The following NPC1 variants were observed in gnomAD, a reference collection of about 807,000 sequenced individuals.
The protein encoded by NPC1 is Niemann-Pick C1 protein.
A neutral mutation model predicts 140.4 loss-of-function variants in NPC1; 85 were observed. The observed-to-expected ratio is 0.61, with a 90% CI of 0.51 to 0.72. The LOEUF is 0.72. NPC1 is among the 30% of genes least tolerant of loss of function. The pLI, the probability that NPC1 is intolerant of heterozygous loss-of-function variation, is 0.00. For synonymous variants in NPC1, 656 were observed against 624.8 expected (o/e 1.05, Z -0.74); for missense variants, 1,504 against 1,623.8 (o/e 0.93, Z 1.27).
At chr18:23,573,336 A>C in intron 2 of NPC1, 116 bp downstream of exon 2, 1 of 1,419,538 alleles carries the variant, frequency 7.0e-7, no homozygotes, top group South Asian at 1.2e-5. Flanking sequence ...CCGGGATAAG[A>C]CTTAAGCCTG....
In NPC1 at chr18:23,573,467, T is replaced by C; in HGVS notation, c.165A>G (p.Gly55=). The C allele has an allele frequency of 6.2e-7, 1 of 1,614,218 alleles. No homozygotes were observed. Among genetic ancestry groups the C allele is most frequent in the Non-Finnish European group, 8.5e-7 (1 of 1,180,028 alleles). The part of the protein sequence containing the change: ...SGPPKPLPKD[G]YDLVQELCPG... ...ATGAACTTACCTGCACTAAGTCATATCCATCCTTTGGCAATGGTTTTGGTG... is the reference window on the plus strand; with the variant it reads ...ATGAACTTACCTGCACTAAGTCATACCCATCCTTTGGCAATGGTTTTGGTG... The change falls in exon 2 of 25, where the codon GGA becomes GGG. Residue 55 remains glycine (G), a synonymous_variant. Transcript: ENST00000269228.
At chr18:23,569,183 A>G (rs1443822757) in intron 3 of NPC1, among the ~76,000 whole-genome samples, 185 bp from the exon 4 acceptor site, 1 of 152,376 alleles carries the variant, frequency 6.6e-6, no homozygotes, top group African/African-American at 2.4e-5. Flanking sequence ...CCTTTAAAAA[A>G]TGCCCTAATT....
At chr18:23,526,403 A>T (rs2058298789), downstream of NPC1, among the ~76,000 whole-genome samples, 1 of 152,190 alleles carries the variant, frequency 6.6e-6, no homozygotes, top group African/African-American at 2.4e-5. Context: ...CTTGGAAAAG[A>T]GTCAGCCAGG....
rs369056010 is a variant in NPC1, at chr18:23,557,147, T to C, written c.925A>G (p.Ile309Val). 1.9e-6 allele frequency: 3 copies of C among 1,613,852 alleles called. No individual in the cohort carries two copies. Among genetic ancestry groups the C allele is most frequent in the Non-Finnish European group, 1.7e-6 (2 of 1,179,866 alleles). The change falls in exon 7 of 25, where the codon ATA becomes GTA. Residue 309 changes from isoleucine to valine, a missense_variant. Transcript: ENST00000269228. ...VSEYTPIDSN[I>V]AFSVNASDKG... ...TCACTTGCATTAACAGAAAAAGCTA[T>C]ATTGCTATCGATGGGAGTGTACTCG...
intron 4 of NPC1, among the ~76,000 whole-genome samples, chr18:23,568,614 T>C (rs973961824): frequency 6.6e-6 from 1 of 152,130 alleles, no homozygotes; most frequent in Non-Finnish European, 1.5e-5. Flanking sequence ...AAGTTAAAGT[T>C]AGGGGGAGTT....
chr18:23,577,841 G>T (rs966229397), intron 1 of NPC1, among the ~76,000 whole-genome samples: 4 of 152,212 alleles, frequency 2.6e-5, no homozygotes, highest in African/African-American at 7.2e-5. Flanking sequence ...CTGCTGGGGG[G>T]ACCCAGTACA....
intron 2 of NPC1, 93 bp downstream of exon 2, chr18:23,573,359 C>T: frequency 3.2e-6 from 5 of 1,562,474 alleles, no homozygotes; most frequent in Non-Finnish European, 4.4e-6. Flanking sequence ...AGTCTCATCT[C>T]CACCTCCACC....
intron 8 of NPC1, among the ~76,000 whole-genome samples, chr18:23,555,985 A>G (rs1051338460): frequency 6.6e-6 from 1 of 152,226 alleles, no homozygotes; most frequent in Non-Finnish European, 1.5e-5. Context: ...TTCTCTGCTC[A>G]TCTCAATTTC....
Position 23,559,310 on chromosome 18 carries a change from G to A in NPC1, c.881+921C>T, listed in dbSNP as rs143509279. On this transcript the variant is annotated intron_variant, in intron 6 of 24. Transcript: ENST00000269228. ...TATGAGTTATGTAAGTTGTATCATC[G>A]GGGAAACTGGGTTAAGGATACACAT... 9.9e-5 allele frequency among the ~76,000 whole-genome samples: 15 copies of A among 152,066 alleles called. No individual in the cohort carries two copies. The South Asian group carries it at 1.5e-3, about 15-fold the overall frequency.
Position 23,560,335 on chromosome 18 carries a change from G to A in NPC1, c.777C>T (p.Pro259=). The A allele has an allele frequency of 6.2e-7, 1 of 1,614,240 alleles. No individual in the cohort carries two copies. The highest frequency in any genetic ancestry group is 8.5e-7 in the Non-Finnish European group (1 of 1,180,048). ...PKPQPPPPPA[P]WTILGLDAMY... ...TGGCGTCCAAGCCAAGGATCGTCCAGGGAGCAGGAGGAGGTGGGGGCTGGG... is the reference window on the plus strand; with the variant it reads ...TGGCGTCCAAGCCAAGGATCGTCCAAGGAGCAGGAGGAGGTGGGGGCTGGG... Residue 259 remains proline (P), a synonymous_variant, in exon 6 of 25, where the codon CCC becomes CCT. Coordinates refer to ENST00000269228, the MANE Select transcript of NPC1 (RefSeq NM_000271.5).
chr18:23,551,725 G>T lies in NPC1; in HGVS notation c.1556C>A (p.Ala519Asp). 6.2e-7 allele frequency: 1 copy of T among 1,613,062 alleles called. No homozygotes were observed. The highest frequency in any genetic ancestry group is 8.5e-7 in the Non-Finnish European group (1 of 1,179,104). ...YHTHFLYCVR[A>D]PASLNDTSLL... ...ACTTGTATCATTCAGAGAGGCAGGA[G>T]CCCTGCCAAAAAGTTTAGAAAACAC... The change falls in exon 10 of 25, where the codon GCT becomes GAT. Residue 519 changes from alanine to aspartate, a missense_variant and splice_region_variant. Ala to Asp is a moderately radical substitution (Grantham distance 126). Coordinates refer to ENST00000269228, the MANE Select transcript of NPC1 (RefSeq NM_000271.5).
intron 24 of NPC1, chr18:23,533,034 C>A: frequency 1.3e-6 from 1 of 753,850 alleles, no homozygotes; most frequent in Non-Finnish European, 1.6e-6. Flanking sequence ...CAGATGGACT[C>A]CTTCATCTCA....
downstream of NPC1, chr18:23,519,091 C>G: frequency 6.2e-7 from 1 of 1,614,120 alleles, no homozygotes; most frequent in South Asian, 1.1e-5. Flanking sequence ...TAAAAAGATG[C>G]ACATATTGAA....
At chr18:23,577,553 C>A (rs973278251) in intron 1 of NPC1, among the ~76,000 whole-genome samples, 1 of 152,220 alleles carries the variant, frequency 6.6e-6, no homozygotes. Context: ...GACTCAGAAG[C>A]CCAGCTGGCT....
At chr18:23,524,221 C>A in intron 1 of NPC1, 1 of 1,605,116 alleles carries the variant, frequency 6.2e-7, no homozygotes, top group South Asian at 1.1e-5. Context: ...GGCAAGTGGT[C>A]ACCCTCAGAG....
At chr18:23,584,558 A>G (rs113437186) in intron 1 of NPC1, among the ~76,000 whole-genome samples, 42 of 152,316 alleles carry the variant, frequency 2.8e-4, no homozygotes, top group African/African-American at 9.9e-4. Flanking sequence ...AAAAATACTT[A>G]AGAGATGGCT....
downstream of NPC1, among the ~76,000 whole-genome samples, chr18:23,526,286 C>A (rs1248310871): frequency 6.6e-6 from 1 of 152,180 alleles, no homozygotes; most frequent in Admixed American, 6.5e-5. Flanking sequence ...GTGTTGACAT[C>A]TTTTTCTATT....
At chr18:23,530,114 C>T (rs2058444991), downstream of NPC1, 4 of 1,614,084 alleles carry the variant, frequency 2.5e-6, no homozygotes, top group Non-Finnish European at 3.4e-6. Flanking sequence ...ACCACGTCCT[C>T]AGCGACTCCA....
At position 23,532,098 on chromosome 18, in the gene NPC1, T is replaced by G. The variant is rs1235058978; in HGVS notation, c.*104A>C. On this transcript the variant is annotated 3_prime_UTR_variant, in exon 25 of 25. Transcript: ENST00000269228. ...AAGCTGCTGCCAAACAACCGATGGT[T>G]GGCACCATCCGGTGTTCAACTTGGC... is the stretch of plus-strand genomic sequence containing the variant. 6.2e-7 allele frequency: 1 copy of G among 1,613,092 alleles called. No individual in the cohort carries two copies. Among genetic ancestry groups the G allele is most frequent in the Non-Finnish European group, 8.5e-7 (1 of 1,179,670 alleles).
Sources: gnomAD v4.1 joint callset for allele counts (sites outside exome capture counted in the v4.1 genomes callset) on GRCh38, gnomAD v4.1.1 for gene constraint, MANE v1.5 for transcripts, NCBI Gene and HGNC (gene_info 2026-07-23, HGNC 2026-07-21) for gene names.